The following COL5A2 variants were observed in gnomAD, a reference collection of about 807,000 sequenced individuals.
The protein encoded by COL5A2 is collagen type V alpha 2 chain.
Under a neutral mutation model 208.2 loss-of-function variants are expected in COL5A2, and 23 were observed. That is an observed-to-expected ratio of 0.11 (90% CI 0.08 to 0.16). COL5A2 has a LOEUF of 0.16. Ranked by LOEUF, COL5A2 falls within the 10% of genes least tolerant of loss-of-function variation. COL5A2 has a pLI of 1.00. For synonymous variants in COL5A2, 625 were observed against 628.5 expected (o/e 0.99, Z 0.08); for missense variants, 1,590 against 1,956.4 (o/e 0.81, Z 3.53).
At chr2:189,434,086 T>C in the COL5A2 span, among the ~76,000 whole-genome samples, 1 of 152,098 alleles carries the variant, frequency 6.6e-6, no homozygotes, top group Non-Finnish European at 1.5e-5. Context: ...AAAAACCACA[T>C]GATCTCAATA....
the COL5A2 span, among the ~76,000 whole-genome samples, chr2:189,361,639 A>G: frequency 2.0e-5 from 3 of 151,616 alleles, no homozygotes; most frequent in Admixed American, 6.6e-5. Context: ...AAGGTTTACT[A>G]TTGCCATTTT....
intron 1 of COL5A2, among the ~76,000 whole-genome samples, chr2:189,128,775 CACCTTTCCTTCCTT>C: frequency 6.6e-6 from 1 of 152,102 alleles, no homozygotes; most frequent in East Asian, 1.9e-4. Flanking sequence ...CCCAATTAGG[CACCTTTCCTTCCTT>C]ACGTCCAGCT....
chr2:189,185,098 A>C (rs1214388666), intron 1 of COL5A2, among the ~76,000 whole-genome samples: 1 of 151,578 alleles, frequency 6.6e-6, no homozygotes, highest in Non-Finnish European at 1.5e-5. Flanking sequence ...ATCTTGGCTC[A>C]CTGCAGCCTC....
chr2:189,261,644 AT>A, the COL5A2 span, among the ~76,000 whole-genome samples: 1 of 152,202 alleles, frequency 6.6e-6, no homozygotes, highest in Non-Finnish European at 1.5e-5. Context: ...CCCAGATTAG[AT>A]TTCCTGTTCT....
chr2:189,429,258 T>C, the COL5A2 span, among the ~76,000 whole-genome samples: 2 of 152,168 alleles, frequency 1.3e-5, no homozygotes, highest in Non-Finnish European at 2.9e-5. Context: ...TTTTAGAAAG[T>C]GTTAAATTTA....
intron 5 of COL5A2, among the ~76,000 whole-genome samples, chr2:189,098,101 G>C (rs767902661): frequency 4.6e-5 from 7 of 151,882 alleles, no homozygotes; most frequent in Non-Finnish European, 4.4e-5. Context: ...TTTAAACTGA[G>C]TTATGAAGAT....
chr2:189,044,444 G>C (rs1437038350), intron 47 of COL5A2, among the ~76,000 whole-genome samples: 1 of 152,022 alleles, frequency 6.6e-6, no homozygotes, highest in Non-Finnish European at 1.5e-5. Context: ...TAAATCAGAA[G>C]GCACCTATTT....
At chr2:189,241,831 A>C in the COL5A2 span, among the ~76,000 whole-genome samples, 1 of 152,216 alleles carries the variant, frequency 6.6e-6, no homozygotes, top group Admixed American at 6.5e-5. Context: ...TTGCCAAGTT[A>C]ATTCCACCAA....
At chr2:189,414,784 T>G in the COL5A2 span, among the ~76,000 whole-genome samples, 1 of 150,056 alleles carries the variant, frequency 6.7e-6, no homozygotes, top group African/African-American at 2.4e-5. Flanking sequence ...AAAGAATGTT[T>G]CCGTTCTAGA....
At chr2:189,045,105 C>G (rs1323454844) in intron 47 of COL5A2, 74 bp downstream of exon 47, 1 of 1,009,220 alleles carries the variant, frequency 9.9e-7, no homozygotes, top group Non-Finnish European at 1.4e-6. Flanking sequence ...AGTTATGAAT[C>G]TTAAATTATA....
rs1239706210 is a variant in COL5A2 at position 189,045,868 on chromosome 2, A to G, written c.3241T>C (p.Ser1081Pro). 1.2e-6 allele frequency: 2 copies of G among 1,614,184 alleles called. No individual in the cohort carries two copies. Among genetic ancestry groups the G allele is most frequent in the Admixed American group, 1.7e-5 (1 of 60,022 alleles). Residue 1081 changes from serine (S) to proline (P), a missense_variant, in exon 46 of 54, where the codon TCT (serine) becomes CCT (proline). Ser to Pro is a moderately conservative substitution (Grantham distance 74). Coordinates refer to ENST00000374866, the MANE Select transcript of COL5A2 (RefSeq NM_000393.5). ...CCAGGAGTTCCAGGGGCACCCTGAGAGCCTGGCAGACCTGCAGGCCCAGGG... is the reference window on the plus strand; with the variant it reads ...CCAGGAGTTCCAGGGGCACCCTGAGGGCCTGGCAGACCTGCAGGCCCAGGG... ...GDPGPAGLPG[S>P]QGAPGTPGPV...
At chr2:189,328,012 T>A in the COL5A2 span, among the ~76,000 whole-genome samples, 1 of 152,226 alleles carries the variant, frequency 6.6e-6, no homozygotes, top group South Asian at 2.1e-4. Flanking sequence ...TCAGCTTGCA[T>A]ATGCAACACA....
chr2:189,404,382 T>C, the COL5A2 span, among the ~76,000 whole-genome samples: 2 of 152,192 alleles, frequency 1.3e-5, no homozygotes, highest in South Asian at 2.1e-4. Context: ...TTCTCCTGTA[T>C]TGATACATTA....
the COL5A2 span, among the ~76,000 whole-genome samples, chr2:189,405,235 T>C: frequency 6.1e-5 from 2 of 32,918 alleles, no homozygotes; most frequent in Admixed American, 3.9e-4. Context: ...AAATGCCTTT[T>C]TTTTCTTTTT....
At chr2:189,292,879 A>T in the COL5A2 span, among the ~76,000 whole-genome samples, 1 of 152,216 alleles carries the variant, frequency 6.6e-6, no homozygotes, top group Non-Finnish European at 1.5e-5. Flanking sequence ...GATAGACTGG[A>T]TTAAGAAAAT....
chr2:189,438,171 C>T, the COL5A2 span, among the ~76,000 whole-genome samples: 66 of 150,984 alleles, frequency 4.4e-4, 1 homozygote, highest in African/African-American at 1.6e-3. Context: ...CCACTACAAA[C>T]TTATTATGAT....
intron 1 of COL5A2, among the ~76,000 whole-genome samples, chr2:189,136,281 T>C (rs1159925397): frequency 6.6e-6 from 1 of 151,990 alleles, no homozygotes; most frequent in Non-Finnish European, 1.5e-5. Flanking sequence ...CATCTTCTAA[T>C]GAAAACCTTA....
intron 50 of COL5A2, among the ~76,000 whole-genome samples, chr2:189,040,781 C>T (rs575405529): frequency 6.6e-5 from 10 of 152,266 alleles, no homozygotes; most frequent in African/African-American, 2.4e-4. Context: ...CAAAGTCAAT[C>T]AACAGCCACA....
the COL5A2 span, among the ~76,000 whole-genome samples, chr2:189,429,494 C>T: frequency 6.6e-6 from 1 of 152,310 alleles, no homozygotes; most frequent in South Asian, 2.1e-4. Flanking sequence ...AGTATAACTT[C>T]AGTTTCACCT....
Sources: allele counts gnomAD v4.1 joint callset (sites outside exome capture counted in the v4.1 genomes callset), GRCh38; gene constraint gnomAD v4.1.1; transcripts MANE v1.5; gene names NCBI Gene and HGNC (gene_info 2026-07-23, HGNC 2026-07-21).